The following PDCD1LG2 variants were observed in gnomAD, a reference collection of about 807,000 sequenced individuals.
The protein encoded by PDCD1LG2 is B7 dendritic cell molecule.
Under a neutral mutation model 28.2 loss-of-function variants are expected in PDCD1LG2, and 32 were observed. That is an observed-to-expected ratio of 1.13 (90% CI 0.86 to 1.52). The LOEUF is 1.52. PDCD1LG2 is among the 40% of genes most tolerant of loss of function. The pLI, the probability that PDCD1LG2 is intolerant of heterozygous loss-of-function variation, is 0.00. For missense variants in PDCD1LG2, 385 were observed against 323.8 expected, an observed-to-expected ratio of 1.19 and a Z score of -1.45; for synonymous variants, 116 against 120.2, an observed-to-expected ratio of 0.97 and a Z score of 0.23.
chr9:5,510,802 A>G lies in PDCD1LG2; in HGVS notation c.-16A>G, dbSNP rs985510871. ...ACTTGTGGAGCTGTGGCAAGTCCTCATGTGAGTAACGAGTGGGTTGAGATA... is the reference window on the plus strand; with the variant it reads ...ACTTGTGGAGCTGTGGCAAGTCCTCGTGTGAGTAACGAGTGGGTTGAGATA... On this transcript the variant is annotated splice_region_variant and 5_prime_UTR_variant, in exon 1 of 7. Coordinates refer to ENST00000397747, the MANE Select transcript of PDCD1LG2 (RefSeq NM_025239.4). 1 of 152,404 alleles carries G rather than the reference A, an allele frequency of 6.6e-6. No individual in the cohort carries two copies. Among genetic ancestry groups the G allele is most frequent in the Non-Finnish European group, 1.5e-5 (1 of 68,026 alleles). The allele number at this position is 152,404 out of a possible 1,614,324, so 9.4% of individuals were successfully genotyped here.
rs200033178 is a variant in PDCD1LG2 at position 5,557,263 on chromosome 9, G to T, written c.632-355G>T. On this transcript the variant is annotated intron_variant, in intron 4 of 6. Transcript: ENST00000397747. ...AAAGATGATTAGATGATAGATGGAT[G>T]GATTGATGGATGGATGGAAAAAAAT... 1.1e-3 allele frequency among the ~76,000 whole-genome samples: 170 copies of T among 151,172 alleles called. 2 individuals carry two copies. The East Asian group carries it at 0.021, about 19-fold the overall frequency.
At position 5,570,642 on chromosome 9, in the gene PDCD1LG2, G is replaced by A. The variant is rs576032908; in HGVS notation, c.*683G>A. 2.0e-3 allele frequency: 474 copies of A among 231,686 alleles called. 1 individual carries two copies. Among genetic ancestry groups the A allele is most frequent in the African/African-American group, 9.6e-3 (435 of 45,232 alleles). 14.4% of individuals were successfully genotyped at this position (231,686 alleles called of 1,614,324 possible). A position where few individuals can be genotyped will look rare whatever the true frequency, so the allele number is the denominator to read the frequency against. ...CTGTAATGGCACCATGTTTAATGGT[G>A]GTTTTTTTTTTGAACTACATCTTTC... On this transcript the variant is annotated 3_prime_UTR_variant, in exon 7 of 7. Transcript: ENST00000397747.
intron 3 of PDCD1LG2, among the ~76,000 whole-genome samples, chr9:5,544,846 T>A (rs1820761379): frequency 6.6e-6 from 1 of 152,232 alleles, no homozygotes; most frequent in African/African-American, 2.4e-5. Context: ...TTAGCAAAAC[T>A]GATCTTATGA....
Position 5,545,849 on chromosome 9 carries a change from T to C in PDCD1LG2, c.362-3486T>C, listed in dbSNP as rs534479622. Among the ~76,000 whole-genome samples the C allele has an allele frequency of 1.9e-4, 29 of 152,296 alleles. No individual in the cohort carries two copies. In the South Asian group the frequency reaches 6.0e-3, roughly 32 times the overall value. On this transcript the variant is annotated intron_variant, in intron 3 of 6. Coordinates refer to ENST00000397747, the MANE Select transcript of PDCD1LG2 (RefSeq NM_025239.4). ...TTTTCAAGCGTATGTGGAACAATCA[T>C]CAAAGCAATTATCTAGGAGAATTGC...
At chr9:5,557,568 T>C in intron 4 of PDCD1LG2, 50 bp from the exon 5 acceptor site, 2 of 1,606,518 alleles carry the variant, frequency 1.2e-6, no homozygotes, top group Non-Finnish European at 1.7e-6. Flanking sequence ...CCTGTTGGTC[T>C]ACCTCTTAGT....
In PDCD1LG2 at chr9:5,557,757, G is replaced by C. The variant is rs371591949; in HGVS notation, c.766+5G>C. 7.4e-6 allele frequency: 12 copies of C among 1,613,804 alleles called. No individual in the cohort carries two copies. In the Admixed American group the frequency reaches 1.2e-4, roughly 16 times the overall value. ...AAAAGCTGTATTCTTCAAAAGGTAA[G>C]TGAGTTTTATTCATGGTAACCCAAT... On this transcript the variant is annotated splice_donor_5th_base_variant and intron_variant, in intron 5 of 6. Transcript: ENST00000397747.
intron 3 of PDCD1LG2, among the ~76,000 whole-genome samples, chr9:5,543,665 C>T (rs894484395): frequency 1.3e-5 from 2 of 152,062 alleles, no homozygotes; most frequent in Non-Finnish European, 2.9e-5. Context: ...GCCTCTAAGG[C>T]CCAAGGAAAG....
chr9:5,514,772 G>GAAAAAAAAAA (rs60002651), intron 1 of PDCD1LG2, among the ~76,000 whole-genome samples: 199 of 61,424 alleles, frequency 3.2e-3, no homozygotes, highest in East Asian at 3.9e-3. Context: ...AGTCTCTAAA[G>GAAAAAAAAAA]AAAAAAAAAA....
chr9:5,523,610 C>T (rs766147774), intron 2 of PDCD1LG2, among the ~76,000 whole-genome samples: 2 of 152,224 alleles, frequency 1.3e-5, no homozygotes, highest in Non-Finnish European at 2.9e-5. Context: ...TCTGCTCCTG[C>T]CTGCAGGGCC....
chr9:5,567,799 A>G (rs1249044174), intron 6 of PDCD1LG2, among the ~76,000 whole-genome samples: 1 of 152,254 alleles, frequency 6.6e-6, no homozygotes, highest in African/African-American at 2.4e-5. Context: ...GGATGAATTT[A>G]TCAGTCATCC....
At chr9:5,546,981 G>C (rs1488862923) in intron 3 of PDCD1LG2, among the ~76,000 whole-genome samples, 1 of 152,134 alleles carries the variant, frequency 6.6e-6, no homozygotes, top group Non-Finnish European at 1.5e-5. Context: ...AGTGGGTGTT[G>C]TTTGCTATAA....
rs1004236768 is a variant in PDCD1LG2, at chr9:5,525,857, G to A, written c.55+3256G>A. Among the ~76,000 whole-genome samples, 28 of 151,948 alleles carry A rather than the reference G, an allele frequency of 1.8e-4. 1 individual carries two copies. Among genetic ancestry groups the A allele is most frequent in the South Asian group, 1.0e-3 (5 of 4,826 alleles). On this transcript the variant is annotated intron_variant, in intron 2 of 6. Transcript: ENST00000397747. Reference sequence around the variant, plus strand: ...AGGTCAGGAGACCGAGACCAGCCTGGCCCGCATGGTGAAACCTCGTCTCTA... The same window carrying A: ...AGGTCAGGAGACCGAGACCAGCCTGACCCGCATGGTGAAACCTCGTCTCTA...
intron 2 of PDCD1LG2, among the ~76,000 whole-genome samples, chr9:5,524,874 T>G (rs1820341125): frequency 6.6e-6 from 1 of 152,304 alleles, no homozygotes; most frequent in Non-Finnish European, 1.5e-5. Context: ...ACTCAGTGCC[T>G]GAGACAGAGC....
At chr9:5,527,578 C>G (rs1002934519) in intron 2 of PDCD1LG2, among the ~76,000 whole-genome samples, 5 of 152,138 alleles carry the variant, frequency 3.3e-5, no homozygotes, top group African/African-American at 1.2e-4. Flanking sequence ...TTGGGTATTT[C>G]CCATTTTGGG....
At chr9:5,546,689 C>T (rs1477073241) in intron 3 of PDCD1LG2, among the ~76,000 whole-genome samples, 2 of 152,164 alleles carry the variant, frequency 1.3e-5, no homozygotes, top group Admixed American at 1.3e-4. Flanking sequence ...GACACATCCT[C>T]TTATGGTGAT....
At chr9:5,532,202 T>C (rs1441095954) in intron 2 of PDCD1LG2, among the ~76,000 whole-genome samples, 2 of 152,240 alleles carry the variant, frequency 1.3e-5, no homozygotes, top group Non-Finnish European at 2.9e-5. Flanking sequence ...GTTTTACACA[T>C]GTACACTCAC....
chr9:5,551,194 T>C (rs1373116383), intron 4 of PDCD1LG2, among the ~76,000 whole-genome samples: 1 of 152,174 alleles, frequency 6.6e-6, no homozygotes, highest in African/African-American at 2.4e-5. Context: ...AGAGCCATAA[T>C]TTTATTTATC....
intron 2 of PDCD1LG2, among the ~76,000 whole-genome samples, chr9:5,531,221 G>A (rs1404878644): frequency 6.6e-6 from 1 of 152,178 alleles, no homozygotes; most frequent in Non-Finnish European, 1.5e-5. Flanking sequence ...AGCTGGGCTT[G>A]AGAAAAAACC....
chr9:5,546,989 T>C (rs1034061083), intron 3 of PDCD1LG2, among the ~76,000 whole-genome samples: 7 of 152,140 alleles, frequency 4.6e-5, no homozygotes, highest in African/African-American at 1.7e-4. Flanking sequence ...TTGTTTGCTA[T>C]AATGAATCAA....
Sources: gnomAD v4.1 joint callset for allele counts (sites outside exome capture counted in the v4.1 genomes callset) on GRCh38, gnomAD v4.1.1 for gene constraint, MANE v1.5 for transcripts, NCBI Gene and HGNC (gene_info 2026-07-23, HGNC 2026-07-21) for gene names.